The following ADAMTSL1 variants were observed in gnomAD, a reference collection of about 807,000 sequenced individuals.
ADAMTSL1 encodes the protein ADAMTS-like protein 1.
A neutral mutation model predicts 201.8 loss-of-function variants in ADAMTSL1; 126 were observed. That is an observed-to-expected ratio of 0.62 (90% CI 0.54 to 0.72). The LOEUF (loss-of-function observed/expected upper bound fraction) is 0.72. Ranked by LOEUF, ADAMTSL1 falls within the 30% of genes least tolerant of loss-of-function variation. The pLI, the probability that ADAMTSL1 is intolerant of heterozygous loss-of-function variation, is 0.00. For synonymous variants in ADAMTSL1, 1,121 were observed against 903.4 expected (o/e 1.24, Z -4.32); for missense variants, 2,679 against 2,277.8 (o/e 1.18, Z -3.59).
rs138395819 is a variant in ADAMTSL1, at chr9:18,771,525, T to A, written c.2397+744T>A. Among the ~76,000 whole-genome samples the A allele has an allele frequency of 3.3e-3, 509 of 152,290 alleles. 1 individual carries two copies. The East Asian group carries it at 0.034, about 10-fold the overall frequency. On this transcript the variant is annotated intron_variant, in intron 17 of 28. Transcript: ENST00000380548. The stretch of plus-strand genomic sequence containing the variant: ...ACCACTTCGAGTTGCCTTCGACTTC[T>A]CCACCTCCATAGACCTGTGTGTCTT...
chr9:18,762,886 T>C (rs1055841665), intron 16 of ADAMTSL1, among the ~76,000 whole-genome samples: 1 of 152,216 alleles, frequency 6.6e-6, no homozygotes, highest in Non-Finnish European at 1.5e-5. Flanking sequence ...CACATTTTCT[T>C]TATCAGTTAA....
chr9:18,377,293 G>A (rs376561651), intron 2 of ADAMTSL1, among the ~76,000 whole-genome samples: 163 of 152,280 alleles, frequency 1.1e-3, no homozygotes, highest in South Asian at 3.7e-3. Context: ...TGAGAACTGC[G>A]TAAGTGCATA....
intron 2 of ADAMTSL1, among the ~76,000 whole-genome samples, chr9:18,323,277 C>CA (rs1267597560): frequency 6.6e-5 from 10 of 151,814 alleles, no homozygotes; most frequent in Admixed American, 5.2e-4. Flanking sequence ...AGAGAATTAA[C>CA]AAAAAAACTA....
intron 4 of ADAMTSL1, among the ~76,000 whole-genome samples, chr9:18,589,939 T>C: frequency 6.6e-6 from 1 of 152,208 alleles, no homozygotes; most frequent in East Asian, 1.9e-4. Context: ...TGAATGGTCT[T>C]TTTAATGTAT....
chr9:18,284,050 G>A (rs1420572938), intron 2 of ADAMTSL1, among the ~76,000 whole-genome samples: 1 of 151,412 alleles, frequency 6.6e-6, no homozygotes, highest in Non-Finnish European at 1.5e-5. Flanking sequence ...CACCAACATG[G>A]AGAAACCCCA....
At chr9:18,002,240 G>A (rs1416511652) in intron 1 of ADAMTSL1, among the ~76,000 whole-genome samples, 1 of 151,998 alleles carries the variant, frequency 6.6e-6, no homozygotes, top group Non-Finnish European at 1.5e-5. Flanking sequence ...AATGTTGAAA[G>A]ATGCCATTAT....
chr9:18,501,161 T>C (rs1165859272), intron 1 of ADAMTSL1, among the ~76,000 whole-genome samples: 1 of 152,134 alleles, frequency 6.6e-6, no homozygotes, highest in Admixed American at 6.5e-5. Flanking sequence ...CAATTCAAAG[T>C]TTACACTTTA....
intron 26 of ADAMTSL1, among the ~76,000 whole-genome samples, chr9:18,900,934 T>C (rs1309698811): frequency 6.6e-6 from 1 of 151,878 alleles, no homozygotes. Flanking sequence ...AAGAAAGAAC[T>C]ATCAAAGACT....
At chr9:18,324,083 G>A (rs1368341656) in intron 2 of ADAMTSL1, among the ~76,000 whole-genome samples, 1 of 152,090 alleles carries the variant, frequency 6.6e-6, no homozygotes, top group East Asian at 1.9e-4. Context: ...AAAACTTAAG[G>A]TAATAAAGGC....
At chr9:18,595,205 C>A (rs184411251) in intron 4 of ADAMTSL1, among the ~76,000 whole-genome samples, 112 of 152,300 alleles carry the variant, frequency 7.4e-4, no homozygotes, top group African/African-American at 2.4e-3. Flanking sequence ...GAGAGGGATC[C>A]TTGCCTGTAG....
intron 3 of ADAMTSL1, among the ~76,000 whole-genome samples, chr9:18,562,421 C>G (rs915470129): frequency 4.7e-4 from 72 of 152,130 alleles, no homozygotes; most frequent in Admixed American, 4.7e-3. Flanking sequence ...TTGTCAGTAC[C>G]CGACCTTTCT....
At chr9:18,402,810 CAT>C (rs1330850473) in intron 2 of ADAMTSL1, among the ~76,000 whole-genome samples, 1 of 152,146 alleles carries the variant, frequency 6.6e-6, no homozygotes, top group African/African-American at 2.4e-5. Flanking sequence ...GGACTTCTAG[CAT>C]ATACCCTATA....
intron 1 of ADAMTSL1, among the ~76,000 whole-genome samples, chr9:18,140,129 A>C (rs143447918): frequency 0.022 from 3,315 of 152,284 alleles, 128 homozygotes; most frequent in African/African-American, 0.076. Context: ...AGCAAACCCT[A>C]GCCTACTCTT....
intron 2 of ADAMTSL1, among the ~76,000 whole-genome samples, chr9:18,296,785 G>A (rs1833494138): frequency 6.6e-6 from 1 of 152,150 alleles, no homozygotes; most frequent in South Asian, 2.1e-4. Context: ...CCTTGAGCAA[G>A]AAACCACAGT....
At chr9:18,486,655 A>C (rs1459339177) in intron 1 of ADAMTSL1, among the ~76,000 whole-genome samples, 1 of 152,162 alleles carries the variant, frequency 6.6e-6, no homozygotes, top group Non-Finnish European at 1.5e-5. Context: ...CAGTGAGCCG[A>C]GATTGTGTTG....
intron 2 of ADAMTSL1, among the ~76,000 whole-genome samples, chr9:18,524,445 C>G (rs1243496827): frequency 1.3e-5 from 2 of 152,210 alleles, no homozygotes; most frequent in African/African-American, 2.4e-5. Flanking sequence ...TTTCTCCTGC[C>G]TGATTGCCCT....
At chr9:18,550,267 C>T (rs1389791998) in intron 3 of ADAMTSL1, among the ~76,000 whole-genome samples, 1 of 151,578 alleles carries the variant, frequency 6.6e-6, no homozygotes, top group Non-Finnish European at 1.5e-5. Flanking sequence ...AGGTTGCAGA[C>T]CTTAAGATCT....
At chr9:18,569,764 ATAT>A in intron 3 of ADAMTSL1, among the ~76,000 whole-genome samples, 1 of 152,360 alleles carries the variant, frequency 6.6e-6, no homozygotes, top group South Asian at 2.1e-4. Flanking sequence ...GTGCAAAAAT[ATAT>A]TAATACATGT....
chr9:18,178,341 G>C (rs897453908), intron 2 of ADAMTSL1, among the ~76,000 whole-genome samples: 1 of 151,646 alleles, frequency 6.6e-6, no homozygotes, highest in Non-Finnish European at 1.5e-5. Context: ...CGGCGCACCA[G>C]GAGATTATAT....
Sources: gnomAD v4.1 joint callset for allele counts (sites outside exome capture counted in the v4.1 genomes callset) on GRCh38, gnomAD v4.1.1 for gene constraint, MANE v1.5 for transcripts, NCBI Gene and HGNC (gene_info 2026-07-23, HGNC 2026-07-21) for gene names.